Variants in MTAP observed in about 807,000 individuals in gnomAD.
MTAP encodes the protein S-methyl-5'-thioadenosine phosphorylase.
In MTAP, 33 loss-of-function variants were observed where a neutral mutation model predicts 33.6. The observed-to-expected ratio is 0.98, with a 90% CI of 0.74 to 1.31. The LOEUF is 1.31. MTAP is among the 40% of genes most tolerant of loss of function. MTAP has a pLI of 0.00. For synonymous variants in MTAP, 148 were observed against 125.7 expected (o/e 1.18, Z -1.19); for missense variants, 367 against 360.0 (o/e 1.02, Z -0.16).
At chr9:21,888,674 T>G (rs1258407013) in intron 1 of MTAP, among the ~76,000 whole-genome samples, 1 of 152,132 alleles carries the variant, frequency 6.6e-6, no homozygotes, top group Non-Finnish European at 1.5e-5. Flanking sequence ...ATGGAATATC[T>G]TTTTCCACCG....
At chr9:21,882,358 A>G (rs534278132) in intron 1 of MTAP, among the ~76,000 whole-genome samples, 12 of 152,026 alleles carry the variant, frequency 7.9e-5, no homozygotes, top group Non-Finnish European at 1.8e-4. Flanking sequence ...ACAACCTTTA[A>G]AAAGTTTTAT....
chr9:21,867,350 C>T (rs1023016007), downstream of MTAP, among the ~76,000 whole-genome samples: 3 of 151,982 alleles, frequency 2.0e-5, no homozygotes, highest in African/African-American at 7.2e-5. Context: ...ATTGAAGATC[C>T]CTTTTATTCC....
chr9:21,805,794 A>G (rs1306547477), intron 1 of MTAP, among the ~76,000 whole-genome samples: 1 of 152,204 alleles, frequency 6.6e-6, no homozygotes, highest in Admixed American at 6.5e-5. Context: ...CCTCCAGACT[A>G]TGAGAAATTT....
chr9:21,840,298 C>T (rs764369076), intron 5 of MTAP, among the ~76,000 whole-genome samples: 8 of 151,752 alleles, frequency 5.3e-5, no homozygotes, highest in East Asian at 1.9e-4. Flanking sequence ...CATATGGAGA[C>T]ACTATGATCT....
chr9:21,817,814 G>A (rs1824522954), intron 3 of MTAP, among the ~76,000 whole-genome samples: 1 of 152,138 alleles, frequency 6.6e-6, no homozygotes, highest in Non-Finnish European at 1.5e-5. Flanking sequence ...GTCCTCACTA[G>A]GGTCTGTCTG....
chr9:21,826,443 G>A lies in MTAP; in HGVS notation c.347+8241G>A, dbSNP rs936630669. Among the ~76,000 whole-genome samples the A allele has an allele frequency of 2.8e-4, 42 of 151,238 alleles. 1 individual carries two copies. The highest frequency in any genetic ancestry group is 2.1e-3 in the Admixed American group (32 of 15,206). On this transcript the variant is annotated intron_variant, in intron 4 of 7. Coordinates refer to ENST00000644715, the MANE Select transcript of MTAP (RefSeq NM_002451.4). ...CAAGTGTCATTTAGTGTCTTCTCCC[G>A]GCCCCTGTGTTTGCTATAAACTGGA...
intron 4 of MTAP, among the ~76,000 whole-genome samples, chr9:21,830,126 A>T (rs1378392709): frequency 6.6e-6 from 1 of 152,350 alleles, no homozygotes; most frequent in Admixed American, 6.5e-5. Context: ...AAGTGAAAAT[A>T]ATCATCTTTC....
At chr9:21,843,464 A>G (rs1825302288) in intron 5 of MTAP, among the ~76,000 whole-genome samples, 1 of 152,224 alleles carries the variant, frequency 6.6e-6, no homozygotes, top group African/African-American at 2.4e-5. Flanking sequence ...TCTTTTCATC[A>G]GCACATGGAA....
At chr9:21,906,219 G>C (rs1368002473) in intron 1 of MTAP, among the ~76,000 whole-genome samples, 2 of 152,130 alleles carry the variant, frequency 1.3e-5, no homozygotes, top group African/African-American at 2.4e-5. Context: ...AGAATTATCA[G>C]CTCAAATTTC....
intron 1 of MTAP, among the ~76,000 whole-genome samples, chr9:21,883,325 A>G (rs2118710627): frequency 6.6e-6 from 1 of 152,208 alleles, no homozygotes; most frequent in South Asian, 2.1e-4. Context: ...AAAACACCAC[A>G]ATGAGATACC....
chr9:21,870,990 C>G (rs893417714), downstream of MTAP, among the ~76,000 whole-genome samples: 1 of 152,082 alleles, frequency 6.6e-6, no homozygotes, highest in East Asian at 1.9e-4. Context: ...AGGCTGGTCT[C>G]AAACTCCTGA....
At chr9:21,845,784 C>T (rs1587240834) in intron 5 of MTAP, among the ~76,000 whole-genome samples, 1 of 151,350 alleles carries the variant, frequency 6.6e-6, no homozygotes, top group African/African-American at 2.4e-5. Flanking sequence ...TATGTGAGAC[C>T]AAAAAAAGAG....
downstream of MTAP, chr9:21,934,447 TTAAC>T (rs1403980542): frequency 6.6e-6 from 1 of 152,152 alleles, no homozygotes; most frequent in East Asian, 1.9e-4. The surrounding 1 kb of genome is among the most constrained non-coding windows in gnomAD (Gnocchi z 5.0). Flanking sequence ...GTTTGTTGGA[TTAAC>T]TAAAGCAGGC....
chr9:21,905,992 T>C (rs1818471178), intron 1 of MTAP, among the ~76,000 whole-genome samples: 2 of 152,232 alleles, frequency 1.3e-5, no homozygotes, highest in East Asian at 3.8e-4. Context: ...ACCTTCAAGC[T>C]GAGAAATTAA....
intron 4 of MTAP, among the ~76,000 whole-genome samples, chr9:21,824,707 T>C (rs139810936): frequency 0.031 from 4,731 of 152,320 alleles, 86 homozygotes; most frequent in Middle Eastern, 0.068. Context: ...AGTTGGAGTC[T>C]ACAGAGGCAG....
rs1164089215 is a variant in MTAP at position 21,922,321 on chromosome 9, GAC to G, written c.148-8683_148-8682del. ...CCCAAGGAAAAATCAAGAGTGGAGA[GAC>G]ACAAAACTCCAGAAGCATGCCAACA... On this transcript the variant is annotated intron_variant, in intron 1 of 1. Transcript: ENST00000577563. This position sits in a 1 kb window ranked among gnomAD's most constrained non-coding sequence, Gnocchi z 4.8. Among the ~76,000 whole-genome samples, 1 of 151,958 alleles carries G rather than the reference GAC, an allele frequency of 6.6e-6. No homozygotes were observed. Among genetic ancestry groups the G allele is most frequent in the African/African-American group, 2.4e-5 (1 of 41,372 alleles).
chr9:21,826,642 A>G (rs1163345240), intron 4 of MTAP, among the ~76,000 whole-genome samples: 1 of 123,592 alleles, frequency 8.1e-6, no homozygotes, highest in African/African-American at 3.0e-5. Flanking sequence ...TATTATTATT[A>G]TTATTATTTA....
At chr9:21,810,949 G>C (rs1179417222) in intron 1 of MTAP, among the ~76,000 whole-genome samples, 1 of 152,172 alleles carries the variant, frequency 6.6e-6, no homozygotes, top group African/African-American at 2.4e-5. Context: ...TAGGCTTCCA[G>C]GATTTTGCAA....
At chr9:21,817,686 G>A (rs1388811005) in intron 3 of MTAP, among the ~76,000 whole-genome samples, 1 of 152,016 alleles carries the variant, frequency 6.6e-6, no homozygotes, top group Non-Finnish European at 1.5e-5. Flanking sequence ...AATCTCCTAT[G>A]CATGCTTGCA....
Sources: allele counts gnomAD v4.1 joint callset (sites outside exome capture counted in the v4.1 genomes callset), GRCh38; gene constraint gnomAD v4.1.1; non-coding constraint Gnocchi (gnomAD v3.1); transcripts MANE v1.5; gene names NCBI Gene and HGNC (gene_info 2026-07-23, HGNC 2026-07-21).